Variants in ATF2 observed in about 807,000 individuals in gnomAD.
ATF2 encodes the protein cyclic AMP-dependent transcription factor ATF-2.
In ATF2, 24 loss-of-function variants were observed where a neutral mutation model predicts 60.6. The observed-to-expected ratio is 0.40, with a 90% CI of 0.29 to 0.56. The LOEUF is 0.56. Among genes scored for constraint, ATF2 ranks in the 20% least tolerant of loss-of-function variants. The pLI is 0.54. For missense variants in ATF2, 433 were observed against 607.7 expected (o/e 0.71, Z 3.02); for synonymous variants, 206 against 215.4 (o/e 0.96, Z 0.38).
rs114497167 is a variant in ATF2, at chr2:175,121,226, C to T, written c.199+218G>A. Reference sequence around the variant, plus strand: ...GAGTTCTAATGAACTTCCACAAAATCGACATTGGAATATAAATTTGAAAAC... The same window carrying T: ...GAGTTCTAATGAACTTCCACAAAATTGACATTGGAATATAAATTTGAAAAC... On this transcript the variant is annotated intron_variant, in intron 5 of 13. Coordinates refer to ENST00000264110, the MANE Select transcript of ATF2 (RefSeq NM_001880.4). Among the ~76,000 whole-genome samples, 774 of 151,520 alleles carry T rather than the reference C, an allele frequency of 5.1e-3. 5 individuals are homozygous for T. Among genetic ancestry groups the T allele is most frequent in the African/African-American group, 0.017 (708 of 41,368 alleles).
At chr2:175,164,152 A>C (rs1016176824) in intron 1 of ATF2, among the ~76,000 whole-genome samples, 1 of 149,636 alleles carries the variant, frequency 6.7e-6, no homozygotes, top group Non-Finnish European at 1.5e-5. Context: ...AAAAAGTCTC[A>C]ACAAATTGAA....
At chr2:175,104,085 A>G (rs907486769) in intron 10 of ATF2, among the ~76,000 whole-genome samples, 2 of 151,848 alleles carry the variant, frequency 1.3e-5, no homozygotes, top group Admixed American at 1.3e-4. Context: ...ATCTTATTTC[A>G]GTATTCACAG....
chr2:175,117,624 TAA>T (rs1696669989), intron 7 of ATF2, among the ~76,000 whole-genome samples: 1 of 151,988 alleles, frequency 6.6e-6, no homozygotes, highest in Admixed American at 6.6e-5. Context: ...CTTAATCCTG[TAA>T]AAGTCTAAAA....
At chr2:175,096,718 T>A (rs1162475069) in intron 11 of ATF2, among the ~76,000 whole-genome samples, 3 of 152,178 alleles carry the variant, frequency 2.0e-5, no homozygotes, top group Admixed American at 2.0e-4. Context: ...AAATCAATAA[T>A]TTTTTAAGAA....
intron 2 of ATF2, among the ~76,000 whole-genome samples, chr2:175,143,794 GC>G (rs1415536186): frequency 2.0e-5 from 3 of 151,790 alleles, no homozygotes; most frequent in African/African-American, 4.8e-5. Flanking sequence ...CCTCTGCCCA[GC>G]CCCCGCCTTT....
intron 10 of ATF2, among the ~76,000 whole-genome samples, chr2:175,108,387 C>T (rs1176269270): frequency 1.1e-4 from 17 of 151,200 alleles, no homozygotes; most frequent in African/African-American, 2.9e-4. Flanking sequence ...AGCGTCCACC[C>T]GGCCAGCCGC....
intron 10 of ATF2, among the ~76,000 whole-genome samples, chr2:175,108,157 T>C (rs1040162670): frequency 1.3e-5 from 2 of 149,640 alleles, no homozygotes; most frequent in Non-Finnish European, 3.0e-5. Context: ...GTCTCAGATG[T>C]GGGGAGCGCC....
chr2:175,104,417 C>T (rs537162837), intron 10 of ATF2, among the ~76,000 whole-genome samples: 1 of 151,752 alleles, frequency 6.6e-6, no homozygotes, highest in East Asian at 1.9e-4. Context: ...AAGTAAAATC[C>T]AACAAAAGCA....
At chr2:175,132,945 G>A (rs949918511) in intron 3 of ATF2, among the ~76,000 whole-genome samples, 1 of 151,952 alleles carries the variant, frequency 6.6e-6, no homozygotes, top group Non-Finnish European at 1.5e-5. Context: ...AATAAGCTGG[G>A]CATGGTGGCA....
chr2:175,100,968 T>C (rs1182950945), intron 10 of ATF2, among the ~76,000 whole-genome samples: 3 of 152,206 alleles, frequency 2.0e-5, no homozygotes, highest in African/African-American at 4.8e-5. Flanking sequence ...AGTAAAAAAA[T>C]TGGCCTTGCT....
intron 12 of ATF2, among the ~76,000 whole-genome samples, chr2:175,091,210 T>G (rs1694522819): frequency 6.6e-6 from 1 of 152,164 alleles, no homozygotes; most frequent in African/African-American, 2.4e-5. Context: ...AAATTTTCTG[T>G]ACGAAGAAAC....
intron 10 of ATF2, among the ~76,000 whole-genome samples, chr2:175,101,815 T>A (rs1420533909): frequency 6.6e-6 from 1 of 152,178 alleles, no homozygotes; most frequent in African/African-American, 2.4e-5. Flanking sequence ...TTGATTACAA[T>A]GGGTCTGACT....
chr2:175,157,470 C>T (rs1260382720), intron 1 of ATF2, among the ~76,000 whole-genome samples: 1 of 152,204 alleles, frequency 6.6e-6, no homozygotes, highest in Non-Finnish European at 1.5e-5. Context: ...GCCATCTCTA[C>T]AGGAACCCAA....
At chr2:175,141,053 G>A (rs974006144) in intron 2 of ATF2, among the ~76,000 whole-genome samples, 124 of 66,794 alleles carry the variant, frequency 1.9e-3, no homozygotes, top group African/African-American at 4.8e-3. Context: ...ATATATATAT[G>A]TATATATATA....
At chr2:175,159,312 C>T (rs1412184151) in intron 1 of ATF2, among the ~76,000 whole-genome samples, 3 of 151,312 alleles carry the variant, frequency 2.0e-5, no homozygotes. Flanking sequence ...GAGCAAGACT[C>T]CGTCTCAAAA....
chr2:175,131,443 T>A (rs903131253), intron 3 of ATF2, among the ~76,000 whole-genome samples: 1 of 152,168 alleles, frequency 6.6e-6, no homozygotes, highest in African/African-American at 2.4e-5. Flanking sequence ...CACAGTTTAT[T>A]AATAGCAAAT....
At chr2:175,151,382 G>A (rs1488014034) in intron 1 of ATF2, among the ~76,000 whole-genome samples, 3 of 151,984 alleles carry the variant, frequency 2.0e-5, no homozygotes, top group Non-Finnish European at 4.4e-5. Context: ...GTAGCCTCCC[G>A]TAACTCCTGG....
At position 175,110,095 on chromosome 2, in the gene ATF2, G is replaced by C. The variant is rs186451963; in HGVS notation, c.828+1473C>G. Among the ~76,000 whole-genome samples the C allele has an allele frequency of 5.0e-3, 767 of 152,238 alleles. 3 individuals are homozygous for C. Among genetic ancestry groups the C allele is most frequent in the African/African-American group, 0.017 (720 of 41,540 alleles). ...CTCACGCCTGTAATCCCAACACTTT[G>C]GGAGGCTGGGGAGGGGGGATCACGA... On this transcript the variant is annotated intron_variant, in intron 10 of 13. Transcript: ENST00000264110.
intron 10 of ATF2, among the ~76,000 whole-genome samples, chr2:175,110,059 G>A (rs1017554144): frequency 2.0e-5 from 3 of 152,110 alleles, no homozygotes; most frequent in African/African-American, 4.8e-5. Context: ...TTTTCAGGCC[G>A]GGTGTGGTGG....
Sources: allele counts gnomAD v4.1 joint callset (sites outside exome capture counted in the v4.1 genomes callset), GRCh38; gene constraint gnomAD v4.1.1; transcripts MANE v1.5; gene names NCBI Gene and HGNC (gene_info 2026-07-23, HGNC 2026-07-21).